The following ESF1 variants were observed in gnomAD, a reference collection of about 807,000 sequenced individuals.
The protein encoded by ESF1 is ESF1 nucleolar pre-rRNA processing protein, also known as ESF1 homolog.
In ESF1, 58 loss-of-function variants were observed where a neutral mutation model predicts 92.0. The observed-to-expected ratio is 0.63, with a 90% CI of 0.51 to 0.78. The LOEUF (loss-of-function observed/expected upper bound fraction) is 0.78, where lower values mean the gene tolerates loss of function less well. Ranked by LOEUF, ESF1 falls within the 30% of genes least tolerant of loss-of-function variation. The probability of loss-of-function intolerance (pLI) is 0.00; values close to 1 mark genes in which losing one functional copy is unlikely to be tolerated. For missense variants in ESF1, 922 were observed against 989.1 expected (o/e 0.93, Z 0.91); for synonymous variants, 321 against 313.7 (o/e 1.02, Z -0.24).
chr20:13,758,053 G>A (rs980833274), intron 9 of ESF1, among the ~76,000 whole-genome samples: 2 of 108,344 alleles, frequency 1.8e-5, no homozygotes, highest in African/African-American at 6.3e-5. Context: ...TAGCCTTATG[G>A]TGGAGATTTA....
At chr20:13,756,836 C>G (rs1354059805) in intron 9 of ESF1, among the ~76,000 whole-genome samples, 1 of 152,130 alleles carries the variant, frequency 6.6e-6, no homozygotes, top group Non-Finnish European at 1.5e-5. Context: ...GGAAACATTT[C>G]TAGGCTGGGA....
chr20:13,742,276 G>C (rs1389296999), intron 9 of ESF1, among the ~76,000 whole-genome samples: 1 of 152,080 alleles, frequency 6.6e-6, no homozygotes. Context: ...TTTGAGACCA[G>C]TCTGGCCAAC....
chr20:13,759,002 C>T (rs1190499609), intron 9 of ESF1, among the ~76,000 whole-genome samples: 1 of 152,188 alleles, frequency 6.6e-6, no homozygotes, highest in African/African-American at 2.4e-5. Context: ...AGATTAACAA[C>T]ACCAACAATA....
intron 9 of ESF1, among the ~76,000 whole-genome samples, chr20:13,756,985 T>C (rs1027208916): frequency 6.8e-6 from 1 of 147,512 alleles, no homozygotes; most frequent in Non-Finnish European, 1.5e-5. Context: ...TCTGTCCTAT[T>C]TTTTTTTCAA....
intron 8 of ESF1, among the ~76,000 whole-genome samples, chr20:13,763,391 T>C (rs1208955808): frequency 1.2e-5 from 1 of 86,646 alleles, no homozygotes; most frequent in African/African-American, 4.2e-5. Context: ...TTCACAATAT[T>C]AGCTACCCTA....
chr20:13,733,082 C>T (rs762476959), intron 10 of ESF1, among the ~76,000 whole-genome samples: 7 of 150,386 alleles, frequency 4.7e-5, no homozygotes, highest in South Asian at 2.1e-4. Context: ...CGCGCCACCA[C>T]ATCCACCTAA....
chr20:13,776,284 A>C lies in ESF1; in HGVS notation c.638-14T>G. 6.3e-7 allele frequency: 1 copy of C among 1,585,422 alleles called. No homozygotes were observed. The highest frequency in any genetic ancestry group is 8.6e-7 in the Non-Finnish European group (1 of 1,167,662). On this transcript the variant is annotated splice_polypyrimidine_tract_variant and intron_variant, in intron 2 of 13. Transcript: ENST00000617257. The stretch of plus-strand genomic sequence containing the variant: ...TGAGTTGAACCACTGCAAAATGTTA[A>C]AGGGGAAAGAAATTAAGAAAAGATA...
intron 11 of ESF1, among the ~76,000 whole-genome samples, chr20:13,721,695 T>A (rs941640698): frequency 6.6e-6 from 1 of 152,214 alleles, no homozygotes; most frequent in Non-Finnish European, 1.5e-5. Flanking sequence ...ACCTGTCCAG[T>A]AGACATGCCC....
At position 13,739,786 on chromosome 20, in the gene ESF1, C is replaced by T. The variant is rs545459058; in HGVS notation, c.1829-5944G>A. Among the ~76,000 whole-genome samples, 9 of 151,452 alleles carry T rather than the reference C, an allele frequency of 5.9e-5. No homozygotes were observed. The South Asian group carries it at 1.0e-3, about 18-fold the overall frequency. On this transcript the variant is annotated intron_variant, in intron 9 of 13. Transcript: ENST00000617257. Reference sequence around the variant, plus strand: ...ACTAGATTAGAAGCAAGGAGTTTTCCTTGGGGACAAACACTGATCTGCTAT... The same window carrying T: ...ACTAGATTAGAAGCAAGGAGTTTTCTTTGGGGACAAACACTGATCTGCTAT...
At chr20:13,762,901 C>T (rs192368129) in intron 8 of ESF1, 4,700 of 272,834 alleles carry the variant, frequency 0.017, 58 homozygotes, top group Non-Finnish European at 0.023. Flanking sequence ...CACTCTGTTG[C>T]CCAGGCTGGA....
rs377727154 is a variant in ESF1, at chr20:13,768,666, G to A, written c.1518+1241C>T. Among the ~76,000 whole-genome samples the A allele has an allele frequency of 3.8e-3, 571 of 151,924 alleles. 2 individuals are homozygous for A. Among genetic ancestry groups the A allele is most frequent in the Non-Finnish European group, 4.4e-3 (297 of 67,912 alleles). ...AATACCAGCACTTTGGGAGGCAGAG[G>A]GGGGCGGATCATCTGAGCTCAGGAG... On this transcript the variant is annotated intron_variant, in intron 7 of 13. Coordinates refer to ENST00000617257, the MANE Select transcript of ESF1 (RefSeq NM_001276380.2).
chr20:13,755,818 C>T lies in ESF1; in HGVS notation c.1828+3874G>A, dbSNP rs1364557308. Among the ~76,000 whole-genome samples, 3 of 152,240 alleles carry T rather than the reference C, an allele frequency of 2.0e-5. No homozygotes were observed. The East Asian group carries it at 5.8e-4, about 29-fold the overall frequency. On this transcript the variant is annotated intron_variant, in intron 9 of 13. Coordinates refer to ENST00000617257, the MANE Select transcript of ESF1 (RefSeq NM_001276380.2). ...TTAAGAAATTAAACTCCTCATGTTACTATACTGTATAACCCAATGTAAAAA... is the reference window on the plus strand; with the variant it reads ...TTAAGAAATTAAACTCCTCATGTTATTATACTGTATAACCCAATGTAAAAA...
chr20:13,778,560 A>G (rs1276436315), intron 2 of ESF1, among the ~76,000 whole-genome samples: 1 of 152,148 alleles, frequency 6.6e-6, no homozygotes, highest in Non-Finnish European at 1.5e-5. Context: ...GTTTTCTAAG[A>G]TGTTGACACA....
chr20:13,782,620 T>G lies in ESF1; in HGVS notation c.521A>C (p.Gln174Pro), dbSNP rs764153677. The G allele has an allele frequency of 1.2e-6, 2 of 1,607,888 alleles. No individual in the cohort carries two copies. The highest frequency in any genetic ancestry group is 2.3e-5 in the South Asian group (2 of 88,538). ...TTCGAGAGAAGAGTCTGTAGTATGT[T>G]GAACAATGTTTTTTTTCTCTTTCTT... is the stretch of plus-strand genomic sequence containing the variant. ...KNKKEKKNIV[Q>P]HTTDSSLEEK... Residue 174 changes from glutamine to proline, a missense_variant, in exon 2 of 14, where the codon CAA (glutamine) becomes CCA (proline). Coordinates refer to ENST00000617257, the MANE Select transcript of ESF1 (RefSeq NM_001276380.2).
intron 9 of ESF1, among the ~76,000 whole-genome samples, chr20:13,750,882 T>C (rs1978600456): frequency 6.6e-6 from 1 of 152,144 alleles, no homozygotes; most frequent in Non-Finnish European, 1.5e-5. Flanking sequence ...CCTGGGAGGC[T>C]GAGGCAGGAG....
intron 6 of ESF1, among the ~76,000 whole-genome samples, chr20:13,771,007 C>T (rs1979658039): frequency 6.6e-6 from 1 of 152,110 alleles, no homozygotes; most frequent in South Asian, 2.1e-4. Flanking sequence ...CCCCTTCCTC[C>T]ATGCATTTTT....
chr20:13,780,878 A>T (rs975710322), intron 2 of ESF1, among the ~76,000 whole-genome samples: 2 of 152,232 alleles, frequency 1.3e-5, no homozygotes, highest in East Asian at 3.8e-4. Flanking sequence ...GTTCCAAACA[A>T]TCATTTCTCG....
chr20:13,760,901 T>C (rs186824962), intron 8 of ESF1, among the ~76,000 whole-genome samples: 1 of 152,320 alleles, frequency 6.6e-6, no homozygotes, highest in Non-Finnish European at 1.5e-5. Context: ...TCATTGAGAA[T>C]GGGCCATGAT....
chr20:13,726,976 T>C (rs1365245533), intron 11 of ESF1, among the ~76,000 whole-genome samples: 5 of 152,204 alleles, frequency 3.3e-5, no homozygotes, highest in Admixed American at 3.3e-4. Flanking sequence ...ATTTTATCTA[T>C]ACCTTTTTTC....
Sources: allele counts gnomAD v4.1 joint callset (sites outside exome capture counted in the v4.1 genomes callset), GRCh38; gene constraint gnomAD v4.1.1; transcripts MANE v1.5; gene names NCBI Gene and HGNC (gene_info 2026-07-23, HGNC 2026-07-21).